CTCF: variants seen among roughly 807,000 people sequenced by gnomAD.
CTCF encodes the protein CCCTC-binding factor.
CTCF carries 7 observed loss-of-function variants against 72.3 expected under a neutral mutation model. The observed-to-expected ratio is 0.10, with a 90% CI of 0.06 to 0.18. CTCF has a LOEUF of 0.18. CTCF is among the 10% of genes least tolerant of loss of function. The pLI, the probability that CTCF is intolerant of heterozygous loss-of-function variation, is 1.00. For missense variants in CTCF, 516 were observed against 949.1 expected, an observed-to-expected ratio of 0.54 and a Z score of 6.00; for synonymous variants, 374 against 315.8, an observed-to-expected ratio of 1.18 and a Z score of -1.95.
chr16:67,598,134 CCTGA>C (rs939082876), intron 2 of CTCF, among the ~76,000 whole-genome samples: 12 of 152,124 alleles, frequency 7.9e-5, no homozygotes, highest in African/African-American at 2.9e-4. Flanking sequence ...CACCATCACA[CCTGA>C]CTAATTTTTT....
At chr16:67,636,543 C>G (rs1051350909) in intron 10 of CTCF, 147 bp from the exon 11 acceptor site, 3 of 228,494 alleles carry the variant, frequency 1.3e-5, no homozygotes, top group African/African-American at 1.0e-4. Flanking sequence ...GTGAGACTGT[C>G]TCAAAAAAAA....
chr16:67,587,513 G>A (rs1356431312), intron 2 of CTCF, among the ~76,000 whole-genome samples: 1 of 151,130 alleles, frequency 6.6e-6, no homozygotes, highest in African/African-American at 2.4e-5. Flanking sequence ...CCTATCATGT[G>A]TGCCCATTTC....
intron 7 of CTCF, 106 bp downstream of exon 7, chr16:67,621,697 A>T: frequency 1.0e-5 from 7 of 666,976 alleles, no homozygotes; most frequent in Non-Finnish European, 1.5e-5. Flanking sequence ...ATAACATTTT[A>T]TGTATAGGAA....
intron 5 of CTCF, among the ~76,000 whole-genome samples, chr16:67,619,444 C>A (rs71393955): frequency 0.046 from 6,932 of 151,936 alleles, 517 homozygotes; most frequent in African/African-American, 0.16. Context: ...TCAAAAAAAA[C>A]CAAAAAAAAC....
intron 4 of CTCF, among the ~76,000 whole-genome samples, chr16:67,614,021 T>C (rs2052096491): frequency 6.6e-6 from 1 of 152,066 alleles, no homozygotes; most frequent in Non-Finnish European, 1.5e-5. Flanking sequence ...TGCAGTTGCA[T>C]TGCATTCTAG....
rs112193624 is a variant in CTCF at position 67,601,735 on chromosome 16, A to C, written c.-9-9089A>C. 1.1e-4 allele frequency among the ~76,000 whole-genome samples: 16 copies of C among 151,992 alleles called. 1 individual carries two copies. The highest frequency in any genetic ancestry group is 3.9e-4 in the African/African-American group (16 of 41,408). On this transcript the variant is annotated intron_variant, in intron 2 of 11. Transcript: ENST00000264010. Reference sequence around the variant, plus strand: ...GCCATGTGTTTTTTTTCAGTGAGACAGTACTCTGTCAGCTCAACTTCTTGG... The same window carrying C: ...GCCATGTGTTTTTTTTCAGTGAGACCGTACTCTGTCAGCTCAACTTCTTGG...
intron 2 of CTCF, among the ~76,000 whole-genome samples, chr16:67,586,890 C>T (rs960119704): frequency 1.3e-5 from 2 of 151,840 alleles, no homozygotes; most frequent in South Asian, 2.1e-4. Context: ...GGCTCCTGGG[C>T]GCCTGCAATC....
intron 2 of CTCF, among the ~76,000 whole-genome samples, chr16:67,588,536 G>A (rs1486246350): frequency 6.6e-6 from 1 of 152,144 alleles, no homozygotes; most frequent in African/African-American, 2.4e-5. Context: ...GGGCTATGGA[G>A]AGCAGAGAGA....
At chr16:67,605,886 G>A (rs1234745939) in intron 2 of CTCF, among the ~76,000 whole-genome samples, 1 of 152,146 alleles carries the variant, frequency 6.6e-6, no homozygotes, top group Admixed American at 6.6e-5. Flanking sequence ...AGGGGAGAGT[G>A]CTAGAGGGCA....
intron 2 of CTCF, among the ~76,000 whole-genome samples, chr16:67,571,598 C>G (rs535847824): frequency 6.6e-6 from 1 of 152,264 alleles, no homozygotes; most frequent in East Asian, 1.9e-4. Flanking sequence ...AGAAAGATCC[C>G]AGGAAATTGT....
At chr16:67,636,988 G>C in intron 11 of CTCF, 137 bp downstream of exon 11, 1 of 775,650 alleles carries the variant, frequency 1.3e-6, no homozygotes, top group Admixed American at 3.3e-5. Context: ...CAAACTCTCA[G>C]GAAATGGCTT....
intron 5 of CTCF, among the ~76,000 whole-genome samples, chr16:67,618,688 C>G (rs570421579): frequency 6.6e-6 from 1 of 151,838 alleles, no homozygotes. Flanking sequence ...GTTCACTGGC[C>G]GGATATAAGA....
At chr16:67,568,795 C>G (rs1459219492) in intron 1 of CTCF, among the ~76,000 whole-genome samples, 1 of 151,736 alleles carries the variant, frequency 6.6e-6, no homozygotes, top group Non-Finnish European at 1.5e-5. Flanking sequence ...TCTCAAAGTG[C>G]TGGATTGCTG....
chr16:67,598,686 C>G (rs2051845905), intron 2 of CTCF, among the ~76,000 whole-genome samples: 1 of 152,208 alleles, frequency 6.6e-6, no homozygotes, highest in Admixed American at 6.5e-5. Context: ...TTAGTGTAAG[C>G]TAAGGCATGA....
At chr16:67,590,849 T>A (rs1054947336) in intron 2 of CTCF, among the ~76,000 whole-genome samples, 1 of 150,780 alleles carries the variant, frequency 6.6e-6, no homozygotes, top group Admixed American at 6.7e-5. Context: ...CAATCCCAGC[T>A]ACTTGGGAGG....
chr16:67,597,935 G>C (rs1262418599), intron 2 of CTCF, among the ~76,000 whole-genome samples: 1 of 152,146 alleles, frequency 6.6e-6, no homozygotes, highest in South Asian at 2.1e-4. Flanking sequence ...TCCTGGAGGA[G>C]TTTGGGGCTG....
At chr16:67,569,175 T>C (rs2051381228) in intron 1 of CTCF, among the ~76,000 whole-genome samples, 1 of 150,564 alleles carries the variant, frequency 6.6e-6, no homozygotes, top group Non-Finnish European at 1.5e-5. Context: ...AGCTCTTTAT[T>C]TCATTTGGGA....
intron 4 of CTCF, chr16:67,614,629 C>T (rs1237696722): frequency 1.3e-5 from 2 of 152,038 alleles, no homozygotes; most frequent in Non-Finnish European, 2.9e-5. Flanking sequence ...GGGCAGATCA[C>T]CTGAGGTCAG....
chr16:67,627,686 C>A (rs550603649), intron 8 of CTCF: 1 of 151,534 alleles, frequency 6.6e-6, no homozygotes, highest in Non-Finnish European at 1.5e-5. Flanking sequence ...CGGTGGCTCA[C>A]GCCTGTAATC....
Sources: allele counts gnomAD v4.1 joint callset (sites outside exome capture counted in the v4.1 genomes callset), GRCh38; gene constraint gnomAD v4.1.1; transcripts MANE v1.5; gene names NCBI Gene and HGNC (gene_info 2026-07-23, HGNC 2026-07-21).